RTKN2: variants seen among roughly 807,000 people sequenced by gnomAD.
The protein encoded by RTKN2 is rhotekin 2, also known as rhotekin-2.
A neutral mutation model predicts 71.5 loss-of-function variants in RTKN2; 69 were observed. The observed-to-expected ratio is 0.96, with a 90% CI of 0.79 to 1.18. The LOEUF is 1.18. RTKN2 is among the 50% of genes most tolerant of loss of function. The pLI is 0.00. For synonymous variants in RTKN2, 236 were observed against 236.5 expected, an observed-to-expected ratio of 1.00 and a Z score of 0.02; for missense variants, 724 against 719.7, an observed-to-expected ratio of 1.01 and a Z score of -0.07.
intron 6 of RTKN2, among the ~76,000 whole-genome samples, chr10:62,226,015 C>G (rs556039454): frequency 9.2e-5 from 14 of 152,248 alleles, no homozygotes; most frequent in African/African-American, 3.4e-4. Context: ...ATCTCCTGAC[C>G]TCATGATCCA....
At chr10:62,199,700 TG>T in intron 11 of RTKN2, 53 bp downstream of exon 11, 1 of 1,047,624 alleles carries the variant, frequency 9.5e-7, no homozygotes, top group Non-Finnish European at 1.5e-6. Context: ...TGCTTCAGTA[TG>T]GACAATGTTG....
chr10:62,264,922 C>T (rs1001718806), intron 1 of RTKN2, among the ~76,000 whole-genome samples: 2 of 151,644 alleles, frequency 1.3e-5, no homozygotes, highest in African/African-American at 2.4e-5. Flanking sequence ...AATTCCACAG[C>T]AATCTTGAAA....
intron 1 of RTKN2, 141 bp downstream of exon 1, chr10:62,268,410 T>C: frequency 1.2e-6 from 1 of 841,612 alleles, no homozygotes; most frequent in Non-Finnish European, 2.0e-6. Flanking sequence ...CGCAGTCTCC[T>C]AATCCCTCCC....
At chr10:62,246,635 G>C (rs1842483596) in intron 2 of RTKN2, among the ~76,000 whole-genome samples, 2 of 152,008 alleles carry the variant, frequency 1.3e-5, no homozygotes, top group African/African-American at 4.8e-5. Context: ...ATGAGAAACA[G>C]AGTAGCTCTG....
At position 62,195,693 on chromosome 10, in the gene RTKN2, T is replaced by C; in HGVS notation, c.*2215A>G. On this transcript the variant is annotated 3_prime_UTR_variant, in exon 12 of 12. Transcript: ENST00000373789. Reference sequence around the variant, plus strand: ...AAGGAAACCAACTCTGTATTATAACTACACTCCTTAGGTAAGGGGTAAATT... The same window carrying C: ...AAGGAAACCAACTCTGTATTATAACCACACTCCTTAGGTAAGGGGTAAATT... The C allele has an allele frequency of 1.0e-6, 1 of 983,554 alleles. No homozygotes were observed. Among genetic ancestry groups the C allele is most frequent in the Non-Finnish European group, 1.2e-6 (1 of 828,808 alleles). The allele number at this position is 983,554 out of a possible 1,614,324, so 60.9% of individuals were successfully genotyped here.
chr10:62,212,587 C>A (rs1347748703), intron 9 of RTKN2, among the ~76,000 whole-genome samples: 1 of 151,798 alleles, frequency 6.6e-6, no homozygotes, highest in Non-Finnish European at 1.5e-5. Flanking sequence ...CCTGTAGTCC[C>A]AGCTACTAGG....
intron 9 of RTKN2, among the ~76,000 whole-genome samples, chr10:62,211,590 T>C (rs1394351231): frequency 6.6e-6 from 1 of 152,216 alleles, no homozygotes; most frequent in Non-Finnish European, 1.5e-5. Flanking sequence ...CTGATTTGTA[T>C]TTAATGTTTA....
chr10:62,247,157 C>T (rs947104330), intron 2 of RTKN2, among the ~76,000 whole-genome samples: 1 of 151,914 alleles, frequency 6.6e-6, no homozygotes, highest in Non-Finnish European at 1.5e-5. Context: ...TGAAATGGGA[C>T]TTTATCTAAG....
intron 8 of RTKN2, among the ~76,000 whole-genome samples, chr10:62,186,892 T>C (rs1406000887): frequency 3.9e-5 from 6 of 152,206 alleles, no homozygotes; most frequent in African/African-American, 1.4e-4. Flanking sequence ...TTTCCCAAAA[T>C]ATTTTATTAA....
intron 3 of RTKN2, among the ~76,000 whole-genome samples, 157 bp from the exon 4 acceptor site, chr10:62,241,352 T>C (rs1292170727): frequency 2.6e-5 from 4 of 152,190 alleles, no homozygotes. Flanking sequence ...TGTTTATAGT[T>C]TGTACTTTTA....
At chr10:62,208,355 G>A (rs946782832) in intron 9 of RTKN2, among the ~76,000 whole-genome samples, 1 of 139,538 alleles carries the variant, frequency 7.2e-6, no homozygotes, top group Non-Finnish European at 1.6e-5. Context: ...TCAAATAAAT[G>A]GCTGACTCTC....
At chr10:62,204,333 T>C (rs1841505461) in intron 10 of RTKN2, among the ~76,000 whole-genome samples, 1 of 152,216 alleles carries the variant, frequency 6.6e-6, no homozygotes, top group Non-Finnish European at 1.5e-5. Flanking sequence ...ACATTGTTTT[T>C]ATGTCCATGT....
At chr10:62,255,549 G>A (rs1258624099) in intron 2 of RTKN2, among the ~76,000 whole-genome samples, 2 of 152,184 alleles carry the variant, frequency 1.3e-5, no homozygotes, top group Non-Finnish European at 2.9e-5. Context: ...CAGCCAATAA[G>A]TGTAGAAGGA....
chr10:62,193,851 T>C lies in RTKN2; in HGVS notation c.*4057A>G. The C allele has an allele frequency of 1.0e-6, 1 of 977,930 alleles. No individual in the cohort carries two copies. Among genetic ancestry groups the C allele is most frequent in the Non-Finnish European group, 1.2e-6 (1 of 823,102 alleles). 60.6% of individuals were successfully genotyped at this position (977,930 alleles called of 1,614,324 possible). On this transcript the variant is annotated 3_prime_UTR_variant, in exon 12 of 12. Transcript: ENST00000373789. ...GTAAACATTTTAATAATGTTAATTA[T>C]ACCATGGCTTATCAGAATGTTAGTC...
intron 2 of RTKN2, among the ~76,000 whole-genome samples, chr10:62,256,655 T>C (rs1165102146): frequency 3.3e-5 from 5 of 152,138 alleles, no homozygotes; most frequent in African/African-American, 1.2e-4. Flanking sequence ...GAAAAATGTG[T>C]GCATGTATAC....
intron 10 of RTKN2, among the ~76,000 whole-genome samples, chr10:62,203,030 C>T (rs192652811): frequency 6.6e-6 from 1 of 152,200 alleles, no homozygotes; most frequent in Admixed American, 6.5e-5. Context: ...CGTGGTGGCA[C>T]ATGCCTGTAA....
chr10:62,239,961 A>C (rs1199513628), intron 4 of RTKN2, among the ~76,000 whole-genome samples, 196 bp from the exon 5 acceptor site: 1 of 152,128 alleles, frequency 6.6e-6, no homozygotes, highest in African/African-American at 2.4e-5. Flanking sequence ...ACAATTAAAC[A>C]AGGAAGCAAA....
At chr10:62,202,110 C>T (rs568262952) in intron 10 of RTKN2, among the ~76,000 whole-genome samples, 12 of 152,030 alleles carry the variant, frequency 7.9e-5, no homozygotes, top group Admixed American at 7.2e-4. Context: ...TTTGACCTAC[C>T]ATTCTCTGCT....
At chr10:62,258,706 C>G (rs1842718314) in intron 2 of RTKN2, among the ~76,000 whole-genome samples, 1 of 151,778 alleles carries the variant, frequency 6.6e-6, no homozygotes, top group Non-Finnish European at 1.5e-5. Context: ...TTAAGAGAAA[C>G]AATGTTTTTA....
Sources: gnomAD v4.1 joint callset for allele counts (sites outside exome capture counted in the v4.1 genomes callset) on GRCh38, gnomAD v4.1.1 for gene constraint, MANE v1.5 for transcripts, NCBI Gene and HGNC (gene_info 2026-07-23, HGNC 2026-07-21) for gene names.